Variants in GABRG3 observed in about 807,000 individuals in gnomAD.
GABRG3 encodes the protein gamma-aminobutyric acid receptor subunit gamma-3.
GABRG3 carries 25 observed loss-of-function variants against 48.8 expected under a neutral mutation model. The observed-to-expected ratio is 0.51, with a 90% CI of 0.37 to 0.72. The LOEUF is 0.72. Ranked by LOEUF, GABRG3 falls within the 30% of genes least tolerant of loss-of-function variation. The pLI is 0.00. For synonymous variants in GABRG3, 227 were observed against 217.6 expected (o/e 1.04, Z -0.38); for missense variants, 394 against 577.9 (o/e 0.68, Z 3.26).
intron 3 of GABRG3, among the ~76,000 whole-genome samples, chr15:27,034,703 A>G (rs778653756): frequency 6.6e-6 from 1 of 152,158 alleles, no homozygotes; most frequent in Non-Finnish European, 1.5e-5. Context: ...CAAGGCCCAC[A>G]TGTCTTTTTG....
At chr15:26,992,757 C>G (rs1292052808) in intron 2 of GABRG3, among the ~76,000 whole-genome samples, 1 of 151,998 alleles carries the variant, frequency 6.6e-6, no homozygotes, top group Non-Finnish European at 1.5e-5. Context: ...AGTATCCCCT[C>G]TATTTTTAGG....
At chr15:27,171,934 G>C (rs909449855) in intron 3 of GABRG3, among the ~76,000 whole-genome samples, 3 of 152,190 alleles carry the variant, frequency 2.0e-5, no homozygotes, top group African/African-American at 7.2e-5. Context: ...CAAGAGCATG[G>C]TGCTGGCATC....
chr15:27,049,456 G>A (rs996123782), intron 3 of GABRG3, among the ~76,000 whole-genome samples: 1 of 152,072 alleles, frequency 6.6e-6, no homozygotes, highest in Non-Finnish European at 1.5e-5. Context: ...CTTCTAACTT[G>A]GGAGCTCAAT....
chr15:27,081,124 T>C (rs535041209), intron 3 of GABRG3, among the ~76,000 whole-genome samples: 1 of 152,298 alleles, frequency 6.6e-6, no homozygotes, highest in South Asian at 2.1e-4. Flanking sequence ...TGGAGACTCC[T>C]GAGCAGTAAT....
rs1893633960 is a variant in GABRG3, at chr15:27,326,906, T to C, written c.368T>C (p.Val123Ala). 1 of 1,613,886 alleles carries C rather than the reference T, an allele frequency of 6.2e-7. No homozygotes were observed. The highest frequency in any genetic ancestry group is 1.1e-5 in the South Asian group (1 of 91,080). ...ATTCTTACTCTGAACAGCAACATGGTGGGGTTAATCTGGATCCCAGACACC... is the reference window on the plus strand; with the variant it reads ...ATTCTTACTCTGAACAGCAACATGGCGGGGTTAATCTGGATCCCAGACACC... ...MKILTLNSNM[V>A]GLIWIPDTIF... The change falls in exon 4 of 10, where the codon GTG becomes GCG. Residue 123 changes from valine (V) to alanine (A), a missense_variant. Coordinates refer to ENST00000615808, the MANE Select transcript of GABRG3 (RefSeq NM_033223.5).
chr15:27,182,364 T>C (rs931414615), intron 3 of GABRG3, among the ~76,000 whole-genome samples: 30 of 152,172 alleles, frequency 2.0e-4, no homozygotes, highest in African/African-American at 7.0e-4. Flanking sequence ...TAAAATGCCA[T>C]GGACCTAAGA....
At chr15:27,162,593 C>A (rs746410970) in intron 3 of GABRG3, among the ~76,000 whole-genome samples, 1 of 151,908 alleles carries the variant, frequency 6.6e-6, no homozygotes, top group Non-Finnish European at 1.5e-5. Flanking sequence ...TGGAGAAACA[C>A]GCCAAATGGA....
chr15:27,384,373 G>A (rs1429463295), intron 5 of GABRG3, among the ~76,000 whole-genome samples: 2 of 152,128 alleles, frequency 1.3e-5, no homozygotes, highest in Non-Finnish European at 2.9e-5. Flanking sequence ...TGCATTAAGT[G>A]AAATGATTCC....
intron 3 of GABRG3, among the ~76,000 whole-genome samples, chr15:27,292,645 T>G (rs1479299746): frequency 2.0e-5 from 3 of 152,188 alleles, no homozygotes; most frequent in African/African-American, 7.2e-5. Context: ...ATGGGCATCT[T>G]TCTCTATTAG....
intron 3 of GABRG3, among the ~76,000 whole-genome samples, chr15:27,188,059 A>G (rs1028864733): frequency 8.5e-5 from 13 of 152,218 alleles, no homozygotes; most frequent in Admixed American, 3.9e-4. Flanking sequence ...ACCTGAACTC[A>G]TCATTTTTTA....
intron 3 of GABRG3, among the ~76,000 whole-genome samples, chr15:27,233,622 C>T (rs1889867704): frequency 6.6e-6 from 1 of 152,152 alleles, no homozygotes; most frequent in African/African-American, 2.4e-5. Flanking sequence ...CTCCCAGAGG[C>T]CCCACCTCAT....
At chr15:27,306,117 T>C (rs1310711929) in intron 3 of GABRG3, among the ~76,000 whole-genome samples, 1 of 125,226 alleles carries the variant, frequency 8.0e-6, no homozygotes, top group African/African-American at 3.0e-5. Flanking sequence ...ACATATATAA[T>C]ATAAACCTAT....
At chr15:27,396,336 T>A (rs1013022432) in intron 5 of GABRG3, among the ~76,000 whole-genome samples, 1 of 152,084 alleles carries the variant, frequency 6.6e-6, no homozygotes, top group African/African-American at 2.4e-5. Flanking sequence ...AATAAAAAAA[T>A]GGTAAAAGAG....
chr15:27,527,788 G>A, intron 8 of GABRG3, 145 bp from the exon 9 acceptor site: 1 of 966,674 alleles, frequency 1.0e-6, no homozygotes, highest in South Asian at 1.6e-5. Context: ...TTCTGAAGAT[G>A]TGAATGTGAC....
chr15:27,381,396 C>T (rs1895772441), intron 5 of GABRG3, among the ~76,000 whole-genome samples: 1 of 152,198 alleles, frequency 6.6e-6, no homozygotes, highest in African/African-American at 2.4e-5. Context: ...ATATAGAGCT[C>T]GTGGAAGTAA....
chr15:27,502,856 C>G (rs1890674135), intron 6 of GABRG3, among the ~76,000 whole-genome samples: 1 of 152,242 alleles, frequency 6.6e-6, no homozygotes, highest in Admixed American at 6.5e-5. Context: ...AGGGCAGGAG[C>G]TTCCCTCCCC....
At chr15:27,276,191 G>A (rs916156465) in intron 3 of GABRG3, among the ~76,000 whole-genome samples, 4 of 152,334 alleles carry the variant, frequency 2.6e-5, no homozygotes, top group East Asian at 3.9e-4. Context: ...CTTTGGGTAG[G>A]CCTTCCCTTG....
chr15:27,239,605 GT>G (rs1431950922), intron 3 of GABRG3, among the ~76,000 whole-genome samples: 1 of 152,088 alleles, frequency 6.6e-6, no homozygotes, highest in Non-Finnish European at 1.5e-5. Flanking sequence ...TAGAGCATTG[GT>G]TTAAATAATA....
intron 5 of GABRG3, among the ~76,000 whole-genome samples, chr15:27,446,063 G>A (rs1050152800): frequency 1.3e-5 from 2 of 152,090 alleles, no homozygotes; most frequent in African/African-American, 4.8e-5. Context: ...ACTAGGTTTG[G>A]AAATAAGAGA....
Sources: gnomAD v4.1 joint callset for allele counts (sites outside exome capture counted in the v4.1 genomes callset) on GRCh38, gnomAD v4.1.1 for gene constraint, MANE v1.5 for transcripts, NCBI Gene and HGNC (gene_info 2026-07-23, HGNC 2026-07-21) for gene names.